Variants in ZCCHC14 observed in about 807,000 individuals in gnomAD.
The protein encoded by ZCCHC14 is zinc finger CCHC domain-containing protein 14.
Under a neutral mutation model 85.0 loss-of-function variants are expected in ZCCHC14, and 16 were observed. The observed-to-expected ratio is 0.19, with a 90% CI of 0.13 to 0.29. The LOEUF is 0.29. Among genes scored for constraint, ZCCHC14 ranks in the 10% least tolerant of loss-of-function variants. The pLI is 1.00. For missense variants in ZCCHC14, 1,303 were observed against 1,443.5 expected, an observed-to-expected ratio of 0.90 and a Z score of 1.58; for synonymous variants, 775 against 630.7, an observed-to-expected ratio of 1.23 and a Z score of -3.43.
At chr16:87,419,420 C>T (rs1332261275) in intron 6 of ZCCHC14, among the ~76,000 whole-genome samples, 1 of 152,282 alleles carries the variant, frequency 6.6e-6, no homozygotes, top group South Asian at 2.1e-4. Flanking sequence ...TCTGCCTCAG[C>T]CTCCCAAGTA....
chr16:87,484,168 G>A (rs1347733724), intron 1 of ZCCHC14, among the ~76,000 whole-genome samples: 3 of 152,178 alleles, frequency 2.0e-5, no homozygotes, highest in African/African-American at 7.2e-5. Flanking sequence ...TGGGAAGAGG[G>A]TAAGAAACAT....
At chr16:87,443,650 T>C (rs562998430) in intron 2 of ZCCHC14, among the ~76,000 whole-genome samples, 58 of 152,222 alleles carry the variant, frequency 3.8e-4, no homozygotes, top group African/African-American at 1.1e-3. Context: ...GGCTGGGGGA[T>C]CCCTTGAGCC....
chr16:87,492,597 C>A lies in ZCCHC14; in HGVS notation c.-359G>T. The A allele has an allele frequency of 6.9e-6, 1 of 144,450 alleles. No homozygotes were observed. Among genetic ancestry groups the A allele is most frequent in the South Asian group, 1.9e-4 (1 of 5,198 alleles). The allele number at this position is 144,450 out of a possible 1,614,324, so 8.9% of individuals were successfully genotyped here. A position where few individuals can be genotyped will look rare whatever the true frequency, so the allele number is the denominator to read the frequency against. On this transcript the variant is annotated 5_prime_UTR_variant, in exon 1 of 13. Coordinates refer to ENST00000671377, the MANE Select transcript of ZCCHC14 (RefSeq NM_015144.3). This position sits in a 1 kb window ranked among gnomAD's most constrained non-coding sequence, Gnocchi z 6.7. ...GTGCGCGGCGGCGGCGGCGGCTGCT[C>A]CTCGTCGTCGTCGTCGTCGTCGCCC...
intron 3 of ZCCHC14, among the ~76,000 whole-genome samples, chr16:87,431,925 G>A (rs1214733243): frequency 6.6e-6 from 1 of 152,134 alleles, no homozygotes; most frequent in Non-Finnish European, 1.5e-5. Flanking sequence ...TACCATCACA[G>A]GCACCAGCAA....
intron 1 of ZCCHC14, chr16:87,467,621 T>C: frequency 9.1e-7 from 1 of 1,102,704 alleles, no homozygotes; most frequent in Non-Finnish European, 1.4e-6. Flanking sequence ...ACAACTTGAC[T>C]TCCTTGGGGA....
chr16:87,406,978 A>G lies in ZCCHC14; in HGVS notation c.*3302T>C, dbSNP rs1011483744. 7.2e-5 allele frequency: 11 copies of G among 152,282 alleles called. No homozygotes were observed. Among genetic ancestry groups the G allele is most frequent in the Admixed American group, 3.3e-4 (5 of 15,282 alleles). 9.4% of individuals were successfully genotyped at this position (152,282 alleles called of 1,614,324 possible). A position where few individuals can be genotyped will look rare whatever the true frequency, so the allele number is the denominator to read the frequency against. On this transcript the variant is annotated 3_prime_UTR_variant, in exon 13 of 13. Coordinates refer to ENST00000671377, the MANE Select transcript of ZCCHC14 (RefSeq NM_015144.3). ...CTCACAACCTTGAAGACCATCAGTCATCATGATGTACAACGAGCAAGGCAT... is the reference window on the plus strand; with the variant it reads ...CTCACAACCTTGAAGACCATCAGTCGTCATGATGTACAACGAGCAAGGCAT...
At chr16:87,454,887 C>T (rs552086690) in intron 2 of ZCCHC14, among the ~76,000 whole-genome samples, 35 of 152,178 alleles carry the variant, frequency 2.3e-4, no homozygotes, top group Non-Finnish European at 4.3e-4. Context: ...CTGGTGAGGA[C>T]GGGGCGGCCC....
intron 3 of ZCCHC14, among the ~76,000 whole-genome samples, chr16:87,426,159 A>G (rs1909358042): frequency 6.6e-6 from 1 of 152,170 alleles, no homozygotes; most frequent in South Asian, 2.1e-4. Context: ...GCTAAGCTGC[A>G]GCAGCCACGA....
In ZCCHC14 at chr16:87,407,507, TAA is replaced by T. The variant is rs1034098529; in HGVS notation, c.*2771_*2772del. 1 of 152,164 alleles carries T rather than the reference TAA, an allele frequency of 6.6e-6. No homozygotes were observed. Among genetic ancestry groups the T allele is most frequent in the Non-Finnish European group, 1.5e-5 (1 of 68,024 alleles). The allele number at this position is 152,164 out of a possible 1,614,324, so 9.4% of individuals were successfully genotyped here. A position where few individuals can be genotyped will look rare whatever the true frequency, so the allele number is the denominator to read the frequency against. On this transcript the variant is annotated 3_prime_UTR_variant, in exon 13 of 13. Transcript: ENST00000671377. Reference sequence around the variant, plus strand: ...AAGGTAGAAAACTGAGTGTTTTGCTTAAAAAATAAAAAAGGATTAAATAGCTG... The same window carrying T: ...AAGGTAGAAAACTGAGTGTTTTGCTTAAAATAAAAAAGGATTAAATAGCTG...
chr16:87,453,463 G>C (rs1465707043), intron 2 of ZCCHC14, among the ~76,000 whole-genome samples: 5 of 152,354 alleles, frequency 3.3e-5, no homozygotes, highest in Admixed American at 2.0e-4. Flanking sequence ...TCAGTGCCCA[G>C]CCCTGGGAAG....
At position 87,420,632 on chromosome 16, in the gene ZCCHC14, G is replaced by A. The variant is rs763014611; in HGVS notation, c.925C>T (p.His309Tyr). The change falls in exon 5 of 13, where the codon CAC becomes TAC. Residue 309 changes from histidine to tyrosine, a missense_variant. His to Tyr is a moderately conservative substitution (Grantham distance 83). Transcript: ENST00000671377. This position sits in a 1 kb window ranked among gnomAD's most constrained non-coding sequence, Gnocchi z 5.0. ...GPDAFYVERN[H>Y]VDLDSGLRYL... is the part of the protein sequence containing the mutation. ...CTCAGGCCTGAGTCCAGATCCACGT[G>A]GTTTCGCTCCACATAAAATGCGTCC... The A allele has an allele frequency of 6.2e-7, 1 of 1,613,784 alleles. No individual in the cohort carries two copies.
At chr16:87,413,629 C>T (rs1212552592) in intron 10 of ZCCHC14, among the ~76,000 whole-genome samples, 2 of 152,106 alleles carry the variant, frequency 1.3e-5, no homozygotes, top group East Asian at 1.9e-4. Flanking sequence ...GAAGAAAACC[C>T]GGCTCCTCTT....
chr16:87,460,108 A>G lies in ZCCHC14; in HGVS notation c.594T>C (p.Pro198=), dbSNP rs766325144. 5 of 1,614,182 alleles carry G rather than the reference A, an allele frequency of 3.1e-6. No homozygotes were observed. The highest frequency in any genetic ancestry group is 2.2e-5 in the East Asian group (1 of 44,870). ...CCAAACTATTACTGACACTGCTGAC[A>G]GGGGCCTCAGTTCTTGGAGTGATCT... is the stretch of plus-strand genomic sequence containing the variant. ...CHKITPRTEA[P]VSSVSNSLEN... The change falls in exon 2 of 13, where the codon CCT becomes CCC. Residue 198 remains proline (P), a synonymous_variant. Transcript: ENST00000671377.
chr16:87,446,251 A>G (rs1355449224), intron 2 of ZCCHC14, among the ~76,000 whole-genome samples: 1 of 152,178 alleles, frequency 6.6e-6, no homozygotes, highest in South Asian at 2.1e-4. Flanking sequence ...TGGGAGACCA[A>G]GGTGGGTGGA....
intron 2 of ZCCHC14, among the ~76,000 whole-genome samples, chr16:87,440,252 T>C (rs184664950): frequency 6.6e-6 from 1 of 151,836 alleles, no homozygotes. Context: ...GCAACCTCCA[T>C]CTCCTGAGTT....
intron 12 of ZCCHC14, chr16:87,411,312 T>C: frequency 6.9e-7 from 1 of 1,450,700 alleles, no homozygotes; most frequent in Non-Finnish European, 9.2e-7. Flanking sequence ...AGAGGCTGTC[T>C]GAAATCATCA....
Position 87,433,699 on chromosome 16 carries a change from C to G in ZCCHC14, c.695-498G>C, listed in dbSNP as rs548732025. Among the ~76,000 whole-genome samples, 707 of 152,008 alleles carry G rather than the reference C, an allele frequency of 4.7e-3. 2 individuals carry two copies. The highest frequency in any genetic ancestry group is 0.016 in the African/African-American group (650 of 41,454). On this transcript the variant is annotated intron_variant, in intron 2 of 12. Coordinates refer to ENST00000671377, the MANE Select transcript of ZCCHC14 (RefSeq NM_015144.3). Reference sequence around the variant, plus strand: ...CTTTTTTTTTTGAGACGGAGTCTCACTCTGTCTCGGCGGCTCACTGCAACC... The same window carrying G: ...CTTTTTTTTTTGAGACGGAGTCTCAGTCTGTCTCGGCGGCTCACTGCAACC...
intron 3 of ZCCHC14, among the ~76,000 whole-genome samples, chr16:87,430,035 T>A (rs943382404): frequency 6.6e-6 from 1 of 152,262 alleles, no homozygotes; most frequent in Non-Finnish European, 1.5e-5. Context: ...CTTCATAGCA[T>A]CTCTCAAAGA....
At chr16:87,410,928 G>A (rs1218731291) in intron 12 of ZCCHC14, among the ~76,000 whole-genome samples, 12 of 152,204 alleles carry the variant, frequency 7.9e-5, no homozygotes, top group Non-Finnish European at 1.8e-4. Flanking sequence ...GTCAGAGTTG[G>A]GACCCACCTT....
Sources: gnomAD v4.1 joint callset for allele counts (sites outside exome capture counted in the v4.1 genomes callset) on GRCh38, gnomAD v4.1.1 for gene constraint, Gnocchi (gnomAD v3.1) non-coding constraint, MANE v1.5 for transcripts, NCBI Gene and HGNC (gene_info 2026-07-23, HGNC 2026-07-21) for gene names.